Variants in APBB1IP observed in about 807,000 individuals in gnomAD.
APBB1IP encodes the protein amyloid beta precursor protein binding family B member 1 interacting protein, also known as amyloid beta A4 precursor protein-binding family B member 1-interacting protein.
In APBB1IP, 27 loss-of-function variants were observed where a neutral mutation model predicts 64.9. That is an observed-to-expected ratio of 0.42 (90% CI 0.31 to 0.57). The LOEUF (loss-of-function observed/expected upper bound fraction) is 0.57, where lower values mean the gene tolerates loss of function less well. Ranked by LOEUF, APBB1IP falls within the 20% of genes least tolerant of loss-of-function variation. The pLI, the probability that APBB1IP is intolerant of heterozygous loss-of-function variation, is 0.20. For missense variants in APBB1IP, 812 were observed against 845.5 expected (o/e 0.96, Z 0.49); for synonymous variants, 392 against 331.0 (o/e 1.18, Z -2.00).
intron 2 of APBB1IP, among the ~76,000 whole-genome samples, chr10:26,439,193 CCAGCAGGT>C (rs555754524): frequency 1.8e-3 from 279 of 152,226 alleles, no homozygotes; most frequent in East Asian, 0.012. Context: ...CCTTGCACGT[CCAGCAGGT>C]CAGCAGGTCA....
At chr10:26,514,089 A>G (rs79201314) in intron 8 of APBB1IP, among the ~76,000 whole-genome samples, 3 of 152,194 alleles carry the variant, frequency 2.0e-5, no homozygotes, top group African/African-American at 4.8e-5. Context: ...TGTCTCACAA[A>G]ATATCACAAA....
At chr10:26,530,255 C>T (rs1461181030) in intron 8 of APBB1IP, among the ~76,000 whole-genome samples, 2 of 139,632 alleles carry the variant, frequency 1.4e-5, no homozygotes, top group African/African-American at 2.7e-5. Context: ...TGAGACGAGG[C>T]CCCCACTGTG....
chr10:26,438,966 G>C (rs926169054), intron 2 of APBB1IP, 113 bp downstream of exon 2: 1 of 152,356 alleles, frequency 6.6e-6, no homozygotes, highest in East Asian at 1.9e-4. Flanking sequence ...GCAGCTCCAG[G>C]ATCTGGCCTC....
chr10:26,440,448 C>A (rs1835327680), intron 2 of APBB1IP, among the ~76,000 whole-genome samples: 1 of 152,134 alleles, frequency 6.6e-6, no homozygotes, highest in Admixed American at 6.5e-5. Flanking sequence ...ATATCAATAT[C>A]TTTGAGGTCT....
chr10:26,523,099 C>T (rs555906815), intron 8 of APBB1IP, among the ~76,000 whole-genome samples: 1 of 151,592 alleles, frequency 6.6e-6, no homozygotes, highest in South Asian at 2.1e-4. Flanking sequence ...GAGCCATTTT[C>T]CCCCTGGTTA....
intron 11 of APBB1IP, among the ~76,000 whole-genome samples, chr10:26,547,807 G>C (rs1836785679): frequency 1.3e-5 from 2 of 152,194 alleles, no homozygotes; most frequent in South Asian, 2.1e-4. Flanking sequence ...TGAGAAATAG[G>C]GGTCAAGTTA....
At chr10:26,512,202 A>G (rs1477280314) in intron 7 of APBB1IP, among the ~76,000 whole-genome samples, 1 of 152,090 alleles carries the variant, frequency 6.6e-6, no homozygotes, top group Non-Finnish European at 1.5e-5. Context: ...TTGACTCTTC[A>G]TTTCATTGTA....
At chr10:26,555,270 C>A (rs1382051667) in intron 11 of APBB1IP, among the ~76,000 whole-genome samples, 1 of 152,172 alleles carries the variant, frequency 6.6e-6, no homozygotes, top group Non-Finnish European at 1.5e-5. Flanking sequence ...CCCCCCACTG[C>A]CCAGGGGATC....
chr10:26,502,749 G>C (rs920801099), intron 5 of APBB1IP, among the ~76,000 whole-genome samples: 1 of 152,064 alleles, frequency 6.6e-6, no homozygotes, highest in Non-Finnish European at 1.5e-5. Flanking sequence ...TGATCCAAAA[G>C]TATGCATATA....
chr10:26,465,821 G>T (rs1478521836), intron 2 of APBB1IP, among the ~76,000 whole-genome samples: 1 of 152,220 alleles, frequency 6.6e-6, no homozygotes, highest in African/African-American at 2.4e-5. Context: ...TGGAAAGGAT[G>T]AGAGGCATAA....
At position 26,567,479 on chromosome 10, in the gene APBB1IP, C is replaced by T; in HGVS notation, c.1992C>T (p.Asn664=). The change falls in exon 15 of 15, where the codon AAC becomes AAT. Residue 664 remains asparagine (N), a synonymous_variant. Transcript: ENST00000376236. The stretch of plus-strand genomic sequence containing the variant: ...AAGCTTTGCAAAAGAAGAGAGGCAA[C>T]GTGTCCTAGGGACGGGCATGATGAG... ...LMKALQKKRG[N]VS The T allele has an allele frequency of 6.3e-7, 1 of 1,576,944 alleles. No individual in the cohort carries two copies. Among genetic ancestry groups the T allele is most frequent in the Non-Finnish European group, 8.7e-7 (1 of 1,155,270 alleles).
intron 2 of APBB1IP, among the ~76,000 whole-genome samples, chr10:26,464,787 C>G (rs901689470): frequency 6.6e-6 from 1 of 152,198 alleles, no homozygotes; most frequent in Admixed American, 6.5e-5. Context: ...GTAAGTTACT[C>G]AACATCATGC....
rs1470887646 is a variant in APBB1IP, at chr10:26,560,716, T to C, written c.1255-14T>C. Reference sequence around the variant, plus strand: ...ATGGATTCCTTTCCTTCTTCCTTTGTGTTCTCTCCCCAGTATGGGAAGACT... The same window carrying C: ...ATGGATTCCTTTCCTTCTTCCTTTGCGTTCTCTCCCCAGTATGGGAAGACT... On this transcript the variant is annotated splice_polypyrimidine_tract_variant and intron_variant, in intron 12 of 14. Coordinates refer to ENST00000376236, the MANE Select transcript of APBB1IP (RefSeq NM_019043.4). The C allele has an allele frequency of 1.3e-6, 2 of 1,553,274 alleles. No homozygotes were observed. Among genetic ancestry groups the C allele is most frequent in the East Asian group, 4.5e-5 (2 of 44,354 alleles).
intron 2 of APBB1IP, among the ~76,000 whole-genome samples, chr10:26,456,848 C>T (rs1028746432): frequency 2.7e-5 from 4 of 150,824 alleles, no homozygotes; most frequent in Admixed American, 6.6e-5. Context: ...GAAAAGTAAG[C>T]TGGGGGCAGA....
At chr10:26,539,319 G>T (rs1414679540) in intron 10 of APBB1IP, among the ~76,000 whole-genome samples, 1 of 151,910 alleles carries the variant, frequency 6.6e-6, no homozygotes, top group African/African-American at 2.4e-5. Context: ...GGCTGATCCG[G>T]GAGGATCATT....
chr10:26,471,210 T>C (rs1286543931), intron 2 of APBB1IP, among the ~76,000 whole-genome samples: 1 of 152,222 alleles, frequency 6.6e-6, no homozygotes, highest in Non-Finnish European at 1.5e-5. Context: ...GTCTGCATCA[T>C]GTGGCTCAGT....
At chr10:26,553,978 G>T (rs560707997) in intron 11 of APBB1IP, among the ~76,000 whole-genome samples, 1 of 152,000 alleles carries the variant, frequency 6.6e-6, no homozygotes, top group Admixed American at 6.6e-5. Flanking sequence ...CAGACTCCCC[G>T]TGCTCTCGCT....
intron 11 of APBB1IP, among the ~76,000 whole-genome samples, chr10:26,552,813 C>G (rs537393917): frequency 6.6e-6 from 1 of 152,130 alleles, no homozygotes; most frequent in East Asian, 1.9e-4. Context: ...GTCAGCCACT[C>G]CCTTTGGCTT....
At chr10:26,511,960 G>T (rs1836266668) in intron 7 of APBB1IP, 54 bp downstream of exon 7, 1 of 1,583,778 alleles carries the variant, frequency 6.3e-7, no homozygotes, top group African/African-American at 1.4e-5. Flanking sequence ...TGGGTTTGCT[G>T]TATAATGGGC....
Sources: gnomAD v4.1 joint callset for allele counts (sites outside exome capture counted in the v4.1 genomes callset) on GRCh38, gnomAD v4.1.1 for gene constraint, MANE v1.5 for transcripts, NCBI Gene and HGNC (gene_info 2026-07-23, HGNC 2026-07-21) for gene names.